CDK6: variants seen among roughly 807,000 people sequenced by gnomAD.
CDK6 encodes the protein cyclin dependent kinase 6, also known as cyclin-dependent kinase 6.
Under a neutral mutation model 37.1 loss-of-function variants are expected in CDK6, and 6 were observed. The ratio of observed to expected loss-of-function variants is 0.16; its 90% CI spans 0.09 to 0.32. The LOEUF (loss-of-function observed/expected upper bound fraction) is 0.32. Among genes scored for constraint, CDK6 ranks in the 10% least tolerant of loss-of-function variants. The pLI is 1.00. For missense variants in CDK6, 224 were observed against 418.9 expected, an observed-to-expected ratio of 0.53 and a Z score of 4.06; for synonymous variants, 160 against 161.3, an observed-to-expected ratio of 0.99 and a Z score of 0.06.
At chr7:92,723,542 G>A (rs755890777) in intron 4 of CDK6, among the ~76,000 whole-genome samples, 7 of 152,034 alleles carry the variant, frequency 4.6e-5, no homozygotes, top group South Asian at 2.1e-4. Context: ...ATAAATCGAC[G>A]CATTACTATA....
At chr7:92,721,997 G>T (rs755193421) in intron 4 of CDK6, among the ~76,000 whole-genome samples, 8 of 152,108 alleles carry the variant, frequency 5.3e-5, no homozygotes, top group Non-Finnish European at 8.8e-5. Context: ...CAGAAATTAA[G>T]GAGAAGTAGT....
At chr7:92,813,150 G>A (rs554546901) in intron 2 of CDK6, among the ~76,000 whole-genome samples, 1 of 152,236 alleles carries the variant, frequency 6.6e-6, no homozygotes, top group Admixed American at 6.5e-5. Flanking sequence ...TATGTAAAAT[G>A]GGATAATTTT....
chr7:92,722,958 A>T lies in CDK6; in HGVS notation c.537+2668T>A, dbSNP rs528605094. 5.4e-4 allele frequency among the ~76,000 whole-genome samples: 82 copies of T among 152,218 alleles called. 3 individuals carry two copies. The highest frequency in any genetic ancestry group is 4.8e-3 in the Admixed American group (74 of 15,280). On this transcript the variant is annotated intron_variant, in intron 4 of 7. Coordinates refer to ENST00000424848, the MANE Select transcript of CDK6 (RefSeq NM_001145306.2). ...CCAGCACTTTGGGAGGCTGAGGAGG[A>T]CGGATTACTTGAGGTCAGGAGTTCA...
chr7:92,815,053 C>T (rs540120547), intron 2 of CDK6, among the ~76,000 whole-genome samples: 3 of 152,190 alleles, frequency 2.0e-5, no homozygotes, highest in East Asian at 1.9e-4. Context: ...AGCTGGACTA[C>T]GAGTCAACAG....
chr7:92,656,889 C>T (rs1279827556), intron 5 of CDK6, among the ~76,000 whole-genome samples: 4 of 152,112 alleles, frequency 2.6e-5, no homozygotes, highest in Non-Finnish European at 4.4e-5. Context: ...GCATTCTTAT[C>T]TCTGAAGACC....
chr7:92,768,003 G>A (rs1248329622), intron 3 of CDK6, among the ~76,000 whole-genome samples: 1 of 151,966 alleles, frequency 6.6e-6, no homozygotes, highest in African/African-American at 2.4e-5. Context: ...AAATCAACTA[G>A]GTAAAACATT....
At chr7:92,677,091 G>A (rs571962015) in intron 4 of CDK6, among the ~76,000 whole-genome samples, 103 of 152,136 alleles carry the variant, frequency 6.8e-4, no homozygotes, top group Non-Finnish European at 1.2e-3. Flanking sequence ...TTATCCTTAA[G>A]ATTTTGCTCT....
chr7:92,833,578 GCC>G lies in CDK6; in HGVS notation c.-257_-256del. Reference sequence around the variant, plus strand: ...CGCCTGCAGAGTCGCCGCCGCCGCCGCCGCCGGAGGAGCGAGCCGATCCCTCC... The same window carrying G: ...CGCCTGCAGAGTCGCCGCCGCCGCCGGCCGGAGGAGCGAGCCGATCCCTCC... On this transcript the variant is annotated 5_prime_UTR_variant, in exon 2 of 8. Transcript: ENST00000424848. The surrounding 1 kb of genome is among the most constrained non-coding windows in gnomAD (Gnocchi z 6.1). 1.8e-6 allele frequency: 1 copy of G among 542,730 alleles called. No individual in the cohort carries two copies. The highest frequency in any genetic ancestry group is 3.2e-6 in the Non-Finnish European group (1 of 314,104). 33.6% of individuals were successfully genotyped at this position (542,730 alleles called of 1,614,324 possible).
chr7:92,743,445 C>T (rs530246416), intron 3 of CDK6, among the ~76,000 whole-genome samples: 1 of 150,862 alleles, frequency 6.6e-6, no homozygotes, highest in Non-Finnish European at 1.5e-5. Context: ...TCCAGCAACT[C>T]AATTAGAAAA....
chr7:92,651,731 A>G (rs1796578955), intron 5 of CDK6, among the ~76,000 whole-genome samples: 1 of 151,980 alleles, frequency 6.6e-6, no homozygotes, highest in South Asian at 2.1e-4. Context: ...ATGCATTTCT[A>G]TAACCTGAAA....
intron 5 of CDK6, among the ~76,000 whole-genome samples, chr7:92,651,574 G>A (rs1282554647): frequency 6.6e-6 from 1 of 152,124 alleles, no homozygotes; most frequent in African/African-American, 2.4e-5. Context: ...AGGAGTAGAA[G>A]GTCTTTGATA....
intron 5 of CDK6, among the ~76,000 whole-genome samples, chr7:92,635,560 C>T (rs1796151079): frequency 6.6e-6 from 1 of 152,164 alleles, no homozygotes; most frequent in Non-Finnish European, 1.5e-5. Context: ...AATTAACCTG[C>T]TCAGTAAAAG....
At chr7:92,804,731 T>C (rs773421920) in intron 2 of CDK6, among the ~76,000 whole-genome samples, 1 of 131,958 alleles carries the variant, frequency 7.6e-6, no homozygotes, top group African/African-American at 3.0e-5. Flanking sequence ...ATTTTGAAAT[T>C]TGTTTGTTGT....
At chr7:92,652,036 C>T (rs1052403959) in intron 5 of CDK6, among the ~76,000 whole-genome samples, 1 of 152,196 alleles carries the variant, frequency 6.6e-6, no homozygotes, top group Non-Finnish European at 1.5e-5. Context: ...CACTACAGCA[C>T]AAATACTTTT....
chr7:92,717,033 G>A (rs1253090009), intron 4 of CDK6, among the ~76,000 whole-genome samples: 1 of 152,090 alleles, frequency 6.6e-6, no homozygotes, highest in Non-Finnish European at 1.5e-5. Context: ...GATTTTGAAT[G>A]GCATCATATA....
chr7:92,830,096 T>C (rs1046878468), intron 2 of CDK6, among the ~76,000 whole-genome samples: 2 of 152,206 alleles, frequency 1.3e-5, no homozygotes, highest in Non-Finnish European at 2.9e-5. Flanking sequence ...GAAACTCCAA[T>C]ACAGGTTCAC....
intron 3 of CDK6, among the ~76,000 whole-genome samples, chr7:92,740,513 T>C (rs962182715): frequency 1.1e-4 from 16 of 152,180 alleles, no homozygotes; most frequent in African/African-American, 3.9e-4. Context: ...CTAACTGTAA[T>C]GTCACCCTCC....
intron 5 of CDK6, among the ~76,000 whole-genome samples, chr7:92,660,706 G>A (rs998608335): frequency 3.3e-5 from 5 of 152,114 alleles, no homozygotes; most frequent in African/African-American, 1.2e-4. Context: ...GATTGGAGGG[G>A]CCCCATGGAG....
intron 5 of CDK6, among the ~76,000 whole-genome samples, chr7:92,629,076 G>A (rs901652481): frequency 5.9e-5 from 9 of 151,946 alleles, no homozygotes; most frequent in African/African-American, 2.2e-4. Context: ...GAAAGAGCAC[G>A]GAAAAAAACA....
Sources: allele counts gnomAD v4.1 joint callset (sites outside exome capture counted in the v4.1 genomes callset), GRCh38; gene constraint gnomAD v4.1.1; non-coding constraint Gnocchi (gnomAD v3.1); transcripts MANE v1.5; gene names NCBI Gene and HGNC (gene_info 2026-07-23, HGNC 2026-07-21).